Variants in NBEA observed in about 807,000 individuals in gnomAD.
The protein encoded by NBEA is lysosomal-trafficking regulator 2.
In NBEA, 44 loss-of-function variants were observed where a neutral mutation model predicts 343.4. That is an observed-to-expected ratio of 0.13 (90% CI 0.10 to 0.16). The LOEUF (loss-of-function observed/expected upper bound fraction) is 0.16. Among genes scored for constraint, NBEA ranks in the 10% least tolerant of loss-of-function variants. NBEA has a pLI of 1.00. For synonymous variants in NBEA, 1,175 were observed against 1,238.7 expected, an observed-to-expected ratio of 0.95 and a Z score of 1.08; for missense variants, 2,555 against 3,631.3, an observed-to-expected ratio of 0.70 and a Z score of 7.62.
chr13:35,124,466 G>A lies in NBEA; in HGVS notation c.2336+892G>A, dbSNP rs148298873. Among the ~76,000 whole-genome samples, 365 of 149,134 alleles carry A rather than the reference G, an allele frequency of 2.4e-3. 3 individuals are homozygous for A. The highest frequency in any genetic ancestry group is 1.9e-3 in the Non-Finnish European group (128 of 67,210). On this transcript the variant is annotated intron_variant, in intron 17 of 58. Coordinates refer to ENST00000379939, the MANE Select transcript of NBEA (RefSeq NM_001385012.1). ...TAAGGAATAGTTCAAACAAAGCCAG[G>A]ATTGTAGAAAAGGATATATATGTGT...
At chr13:35,287,672 A>G (rs2035520658) in intron 34 of NBEA, among the ~76,000 whole-genome samples, 2 of 151,970 alleles carry the variant, frequency 1.3e-5, no homozygotes, top group African/African-American at 4.8e-5. Flanking sequence ...AAAATCATTC[A>G]CCTTTGAATT....
At chr13:35,518,067 A>G (rs571051709) in intron 41 of NBEA, among the ~76,000 whole-genome samples, 85 of 152,226 alleles carry the variant, frequency 5.6e-4, no homozygotes, top group Non-Finnish European at 1.0e-3. Context: ...TATTATCATA[A>G]TAGTTACCAT....
intron 1 of NBEA, among the ~76,000 whole-genome samples, chr13:35,002,742 G>C (rs1444997193): frequency 2.0e-5 from 3 of 152,158 alleles, no homozygotes; most frequent in African/African-American, 7.2e-5. Flanking sequence ...AAATAAGTTT[G>C]TTTATTCCTG....
intron 38 of NBEA, among the ~76,000 whole-genome samples, chr13:35,430,240 G>T (rs1475672188): frequency 6.6e-6 from 1 of 151,976 alleles, no homozygotes; most frequent in Non-Finnish European, 1.5e-5. Flanking sequence ...TCATAGGTTT[G>T]TTGGCCATTT....
At chr13:35,634,404 C>G (rs780343848) in intron 49 of NBEA, among the ~76,000 whole-genome samples, 5 of 152,266 alleles carry the variant, frequency 3.3e-5, no homozygotes, top group Non-Finnish European at 5.9e-5. Flanking sequence ...ATTAGCAACA[C>G]TATTACTGGC....
chr13:35,659,591 T>C (rs2084973043), intron 55 of NBEA, among the ~76,000 whole-genome samples: 1 of 152,194 alleles, frequency 6.6e-6, no homozygotes, highest in South Asian at 2.1e-4. Context: ...TTTTGACCAT[T>C]GTGATGAATT....
chr13:35,387,889 C>T (rs975347317), intron 38 of NBEA, among the ~76,000 whole-genome samples: 2 of 152,126 alleles, frequency 1.3e-5, no homozygotes, highest in Admixed American at 1.3e-4. Flanking sequence ...CTATCCCCTT[C>T]GCCTTTTCCC....
chr13:35,131,251 T>C (rs1190689453), intron 17 of NBEA, among the ~76,000 whole-genome samples: 1 of 152,148 alleles, frequency 6.6e-6, no homozygotes, highest in Non-Finnish European at 1.5e-5. Flanking sequence ...ATATAATTCA[T>C]ACAACCATGA....
intron 10 of NBEA, among the ~76,000 whole-genome samples, chr13:35,090,397 A>T (rs1050858793): frequency 6.6e-6 from 1 of 152,076 alleles, no homozygotes; most frequent in African/African-American, 2.4e-5. Flanking sequence ...TGTCTTCTGT[A>T]TACACACGAA....
chr13:35,101,939 C>G (rs575391945), intron 11 of NBEA, among the ~76,000 whole-genome samples: 5 of 151,616 alleles, frequency 3.3e-5, no homozygotes, highest in African/African-American at 1.2e-4. Context: ...TTTTCAGTTT[C>G]TTTTATGACT....
At chr13:35,291,058 C>T (rs2035773449) in intron 35 of NBEA, among the ~76,000 whole-genome samples, 1 of 151,728 alleles carries the variant, frequency 6.6e-6, no homozygotes, top group Admixed American at 6.6e-5. Flanking sequence ...TAAATGTAAA[C>T]ATATTTTCTG....
At chr13:35,496,825 G>C (rs1186212751) in intron 41 of NBEA, among the ~76,000 whole-genome samples, 1 of 151,862 alleles carries the variant, frequency 6.6e-6, no homozygotes, top group Non-Finnish European at 1.5e-5. Flanking sequence ...ACTGGAGCTA[G>C]AACTTAGATA....
intron 38 of NBEA, among the ~76,000 whole-genome samples, chr13:35,385,593 C>G (rs1327287206): frequency 1.3e-5 from 2 of 152,028 alleles, no homozygotes; most frequent in East Asian, 3.9e-4. Context: ...GTACCAGCTA[C>G]TTGGGAGGCT....
At chr13:35,372,923 G>A (rs1007324160) in intron 38 of NBEA, among the ~76,000 whole-genome samples, 32 of 152,276 alleles carry the variant, frequency 2.1e-4, no homozygotes, top group African/African-American at 7.5e-4. Flanking sequence ...TGATGTAGCT[G>A]CTTAGGCCTC....
intron 10 of NBEA, among the ~76,000 whole-genome samples, chr13:35,075,308 T>G (rs1377987946): frequency 1.3e-5 from 2 of 152,156 alleles, no homozygotes; most frequent in African/African-American, 2.4e-5. Context: ...ATCTGGCATT[T>G]AATGAGTTTT....
chr13:35,636,319 C>G (rs73173612), intron 49 of NBEA, among the ~76,000 whole-genome samples: 1 of 152,000 alleles, frequency 6.6e-6, no homozygotes, highest in African/African-American at 2.4e-5. Context: ...CATTTGAAGT[C>G]TCAGTACAGT....
At chr13:35,030,397 A>C (rs548948749) in intron 1 of NBEA, among the ~76,000 whole-genome samples, 2 of 149,464 alleles carry the variant, frequency 1.3e-5, no homozygotes, top group Non-Finnish European at 3.0e-5. Context: ...TTCTTTCTTA[A>C]ATCTACACCT....
chr13:34,992,839 A>ATTTTT (rs11434153), intron 1 of NBEA, among the ~76,000 whole-genome samples: 3 of 136,436 alleles, frequency 2.2e-5, no homozygotes, highest in South Asian at 4.9e-4. Context: ...CACCCGGCTA[A>ATTTTT]TTTTTTTTTT....
chr13:35,152,522 C>T (rs1350200694), intron 18 of NBEA, among the ~76,000 whole-genome samples: 1 of 152,100 alleles, frequency 6.6e-6, no homozygotes, highest in East Asian at 1.9e-4. Flanking sequence ...AAAATTTATG[C>T]ATGATGAAGC....
Sources: allele counts gnomAD v4.1 joint callset (sites outside exome capture counted in the v4.1 genomes callset), GRCh38; gene constraint gnomAD v4.1.1; transcripts MANE v1.5; gene names NCBI Gene and HGNC (gene_info 2026-07-23, HGNC 2026-07-21).